The following CLVS1 variants were observed in gnomAD, a reference collection of about 807,000 sequenced individuals.
The protein encoded by CLVS1 is clavesin-1.
In CLVS1, 10 loss-of-function variants were observed where a neutral mutation model predicts 33.1. That is an observed-to-expected ratio of 0.30 (90% confidence interval 0.19 to 0.51). The LOEUF (loss-of-function observed/expected upper bound fraction) is 0.51, where lower values mean the gene tolerates loss of function less well. Among genes scored for constraint, CLVS1 ranks in the 20% least tolerant of loss-of-function variants. The pLI, the probability that CLVS1 is intolerant of heterozygous loss-of-function variation, is 0.97. For synonymous variants in CLVS1, 163 were observed against 166.1 expected, an observed-to-expected ratio of 0.98 and a Z score of 0.14; for missense variants, 343 against 433.4, an observed-to-expected ratio of 0.79 and a Z score of 1.85.
intron 3 of CLVS1, among the ~76,000 whole-genome samples, chr8:61,452,669 C>G (rs1817004808): frequency 6.6e-6 from 1 of 152,156 alleles, no homozygotes; most frequent in South Asian, 2.1e-4. Context: ...TAAATGATCT[C>G]TCTAGCCCTA....
chr8:61,142,543 A>T (rs112007879), intron 2 of CLVS1, among the ~76,000 whole-genome samples: 2 of 152,198 alleles, frequency 1.3e-5, no homozygotes, highest in Admixed American at 6.5e-5. Context: ...GGAAGAAACA[A>T]TGCCCGCCTC....
At chr8:61,069,170 G>C (rs755456967) in intron 1 of CLVS1, among the ~76,000 whole-genome samples, 23 of 152,098 alleles carry the variant, frequency 1.5e-4, no homozygotes, top group Non-Finnish European at 2.9e-4. Flanking sequence ...CTTTCACCAT[G>C]TTGGTCAGCC....
chr8:61,234,800 G>A (rs1324108159), intron 2 of CLVS1, among the ~76,000 whole-genome samples: 1 of 151,994 alleles, frequency 6.6e-6, no homozygotes, highest in Admixed American at 6.6e-5. Flanking sequence ...AGAAAAATGG[G>A]GATGCTCAGA....
At chr8:61,152,694 T>C (rs865978715) in intron 2 of CLVS1, among the ~76,000 whole-genome samples, 106 of 152,170 alleles carry the variant, frequency 7.0e-4, no homozygotes, top group African/African-American at 2.4e-3. Flanking sequence ...AAGGCCCCAC[T>C]TCTCAGTACT....
the CLVS1 span, among the ~76,000 whole-genome samples, chr8:61,014,987 C>A: frequency 6.6e-6 from 1 of 152,288 alleles, no homozygotes; most frequent in East Asian, 1.9e-4. Context: ...AGGGCAAGGA[C>A]AAGAAGGCCA....
At chr8:61,327,613 A>G (rs949677497) in intron 2 of CLVS1, among the ~76,000 whole-genome samples, 2 of 152,174 alleles carry the variant, frequency 1.3e-5, no homozygotes, top group African/African-American at 4.8e-5. Flanking sequence ...TTTTCATATG[A>G]TTTGATTCCT....
intron 3 of CLVS1, among the ~76,000 whole-genome samples, chr8:61,410,433 C>T (rs961912517): frequency 1.3e-5 from 2 of 152,138 alleles, no homozygotes; most frequent in Admixed American, 6.5e-5. Flanking sequence ...TCCGGTAGAT[C>T]GACTTTCTTT....
chr8:61,458,701 C>T (rs2291607), intron 5 of CLVS1, 159 bp downstream of exon 5: 421,656 of 575,490 alleles, frequency 0.73, 162,004 homozygotes, highest in Non-Finnish European at 0.8. Flanking sequence ...AAACTGAAAA[C>T]AAATGGGGCT....
chr8:61,077,650 A>T (rs978596248), intron 1 of CLVS1, among the ~76,000 whole-genome samples: 1 of 152,016 alleles, frequency 6.6e-6, no homozygotes, highest in Non-Finnish European at 1.5e-5. Context: ...TAATTTTTGT[A>T]TTTTTATTAG....
chr8:61,147,441 C>T (rs1402712279), intron 2 of CLVS1, among the ~76,000 whole-genome samples: 1 of 152,120 alleles, frequency 6.6e-6, no homozygotes, highest in Non-Finnish European at 1.5e-5. Flanking sequence ...AAGAGAATGT[C>T]ATCTGAGCCA....
chr8:61,459,247 G>T (rs1817273285), intron 5 of CLVS1, among the ~76,000 whole-genome samples: 1 of 152,132 alleles, frequency 6.6e-6, no homozygotes, highest in African/African-American at 2.4e-5. Flanking sequence ...AAGTGGTGAA[G>T]ACCATTGCAT....
chr8:61,333,819 C>A (rs1811687904), intron 2 of CLVS1, among the ~76,000 whole-genome samples: 1 of 151,832 alleles, frequency 6.6e-6, no homozygotes, highest in African/African-American at 2.4e-5. Context: ...GCCTAGTATC[C>A]ATTTGTTATT....
At chr8:61,077,355 G>A (rs948576575) in intron 1 of CLVS1, among the ~76,000 whole-genome samples, 1 of 151,806 alleles carries the variant, frequency 6.6e-6, no homozygotes, top group Non-Finnish European at 1.5e-5. Flanking sequence ...ACAGGCGTGA[G>A]CCACTGCGCC....
At chr8:61,497,412 T>C (rs1054823764) in intron 5 of CLVS1, among the ~76,000 whole-genome samples, 5 of 136,114 alleles carry the variant, frequency 3.7e-5, no homozygotes, top group African/African-American at 1.3e-4. Context: ...CCAAGGAGGT[T>C]CATCTGTGCC....
chr8:61,229,081 T>G lies in CLVS1; in HGVS notation c.-151-70596T>G, dbSNP rs116876492. ...CTTACCTTACATCTTTTTTGATGAT[T>G]GATGATGTTGCGCACTTTTCATTTA... is the stretch of plus-strand genomic sequence containing the variant. On this transcript the variant is annotated intron_variant, in intron 2 of 2. Transcript: ENST00000522621. Among the ~76,000 whole-genome samples, 22 of 152,330 alleles carry G rather than the reference T, an allele frequency of 1.4e-4. No homozygotes were observed. In the East Asian group the frequency reaches 4.2e-3, roughly 29 times the overall value.
intron 3 of CLVS1, among the ~76,000 whole-genome samples, chr8:61,393,207 T>A (rs199714282): frequency 6.6e-6 from 1 of 152,054 alleles, no homozygotes; most frequent in East Asian, 1.9e-4. Flanking sequence ...AACTTTCGAG[T>A]GTATTTTGTA....
intron 2 of CLVS1, among the ~76,000 whole-genome samples, chr8:61,161,547 A>G (rs1359001467): frequency 1.3e-5 from 2 of 152,234 alleles, no homozygotes; most frequent in African/African-American, 2.4e-5. Context: ...TGAGCCAGAC[A>G]TAGAAAGACA....
chr8:61,304,314 G>C (rs2978563), intron 2 of CLVS1, among the ~76,000 whole-genome samples: 40,742 of 152,268 alleles, frequency 0.27, 6,857 homozygotes, highest in Non-Finnish European at 0.35. Context: ...GCCAGTCTCT[G>C]CCTGCTTGGG....
At position 61,400,331 on chromosome 8, in the gene CLVS1, C is replaced by T. The variant is rs145360443; in HGVS notation, c.630+23552C>T. 5.1e-3 allele frequency among the ~76,000 whole-genome samples: 773 copies of T among 152,212 alleles called. 4 individuals are homozygous for T. The highest frequency in any genetic ancestry group is 8.7e-3 in the Non-Finnish European group (594 of 68,004). ...AGTTCATTCATGATGTGGCTCTCAA[C>T]TTGCCTGTTGTTGGTGTATAGGAAT... On this transcript the variant is annotated intron_variant, in intron 3 of 5. Transcript: ENST00000325897.
Sources: gnomAD v4.1 joint callset for allele counts (sites outside exome capture counted in the v4.1 genomes callset) on GRCh38, gnomAD v4.1.1 for gene constraint, MANE v1.5 for transcripts, NCBI Gene and HGNC (gene_info 2026-07-23, HGNC 2026-07-21) for gene names.